The following PDE12 variants were observed in gnomAD, a reference collection of about 807,000 sequenced individuals.
PDE12 encodes phosphodiesterase 12, also known as 2',5'-phosphodiesterase 12.
In PDE12, 26 loss-of-function variants were observed where a neutral mutation model predicts 45.4. The observed-to-expected ratio is 0.57, with a 90% CI of 0.42 to 0.79. The LOEUF is 0.79. Ranked by LOEUF, PDE12 falls within the 30% of genes least tolerant of loss-of-function variation. The probability of loss-of-function intolerance (pLI) is 0.00; values close to 1 mark genes in which losing one functional copy is unlikely to be tolerated. For synonymous variants in PDE12, 283 were observed against 323.9 expected (o/e 0.87, Z 1.36); for missense variants, 668 against 790.0 (o/e 0.85, Z 1.85).
At chr3:57,615,350 C>T in the PDE12 span, among the ~76,000 whole-genome samples, 1 of 152,034 alleles carries the variant, frequency 6.6e-6, no homozygotes, top group African/African-American at 2.4e-5. Flanking sequence ...ATAATTTGTG[C>T]GATGACACTA....
At chr3:57,615,302 G>C in the PDE12 span, among the ~76,000 whole-genome samples, 2 of 152,024 alleles carry the variant, frequency 1.3e-5, no homozygotes, top group Admixed American at 1.3e-4. Context: ...AAATTATAAG[G>C]TATTTTGAAT....
chr3:57,570,095 G>C (rs2069822792), downstream of PDE12, among the ~76,000 whole-genome samples: 1 of 152,048 alleles, frequency 6.6e-6, no homozygotes, highest in Non-Finnish European at 1.5e-5. Flanking sequence ...TCTTTGGAAG[G>C]AAGAAAGGAG....
the PDE12 span, chr3:57,626,260 G>A: frequency 6.6e-6 from 1 of 152,534 alleles, no homozygotes; most frequent in Non-Finnish European, 1.5e-5. Flanking sequence ...GTCTTTCTTG[G>A]GTCAGGAATG....
At chr3:57,621,127 T>C in the PDE12 span, among the ~76,000 whole-genome samples, 4 of 152,142 alleles carry the variant, frequency 2.6e-5, no homozygotes, top group South Asian at 2.1e-4. Context: ...ATATACACCA[T>C]TGGCACAGAA....
the PDE12 span, among the ~76,000 whole-genome samples, chr3:57,591,607 C>A: frequency 6.6e-6 from 1 of 151,952 alleles, no homozygotes; most frequent in Non-Finnish European, 1.5e-5. Context: ...GCTGGGACTA[C>A]AGGTATCTGC....
chr3:57,589,359 T>C, the PDE12 span, among the ~76,000 whole-genome samples: 5 of 151,626 alleles, frequency 3.3e-5, no homozygotes, highest in African/African-American at 1.2e-4. Flanking sequence ...GCCCAGGGGA[T>C]CAAGGCTGCA....
chr3:57,588,870 A>C, the PDE12 span, among the ~76,000 whole-genome samples: 2 of 152,156 alleles, frequency 1.3e-5, no homozygotes, highest in Non-Finnish European at 2.9e-5. Flanking sequence ...TGGGAAGCCA[A>C]GGCAGGTGGA....
the PDE12 span, among the ~76,000 whole-genome samples, chr3:57,620,135 T>C: frequency 6.6e-6 from 1 of 152,016 alleles, no homozygotes; most frequent in Non-Finnish European, 1.5e-5. Flanking sequence ...GGCAGGAGAA[T>C]CACTTGAACC....
the PDE12 span, among the ~76,000 whole-genome samples, chr3:57,618,607 G>GTTTTTTTTTTTTTTTTTTTTTTTTTTTT: frequency 5.0e-5 from 4 of 79,390 alleles, 2 homozygotes; most frequent in Non-Finnish European, 4.7e-5. Flanking sequence ...TTGCTTTTGT[G>GTTTTTTTTTTTTTTTTTTTTTTTTTTTT]TTTTTTTTTT....
At position 57,557,561 on chromosome 3, in the gene PDE12, TAGCC is replaced by T; in HGVS notation, c.1186_1189del (p.Gln396MetfsTer22). 6.2e-7 allele frequency: 1 copy of T among 1,614,138 alleles called. No individual in the cohort carries two copies. The highest frequency in any genetic ancestry group is 1.1e-5 in the South Asian group (1 of 91,082). On this transcript the variant is annotated frameshift_variant, in exon 1 of 3. Transcript: ENST00000311180. LOFTEE classifies it high-confidence loss of function. ...ACCGAAAGTCTAAGTTCAGCCTTCT[TAGCC>T]AGCATGACATTTCATTCTACGAAGC...
rs146506134 is a variant in PDE12, at chr3:57,560,668, C to A, written c.*664C>A. On this transcript the variant is annotated 3_prime_UTR_variant, in exon 3 of 3. Coordinates refer to ENST00000311180, the MANE Select transcript of PDE12 (RefSeq NM_177966.7). ...AAGAGAATTTTTTTAGCTAGGAGTTCAGAATTTTTAAAGTACCATTTGAAT... is the reference window on the plus strand; with the variant it reads ...AAGAGAATTTTTTTAGCTAGGAGTTAAGAATTTTTAAAGTACCATTTGAAT... 620 of 985,288 alleles carry A rather than the reference C, an allele frequency of 6.3e-4. 1 individual carries two copies. The highest frequency in any genetic ancestry group is 4.1e-3 in the Admixed American group (66 of 16,266). 61.0% of individuals were successfully genotyped at this position (985,288 alleles called of 1,614,324 possible).
chr3:57,557,135 A>G lies in PDE12; in HGVS notation c.756A>G (p.Pro252=). 1 of 1,614,006 alleles carries G rather than the reference A, an allele frequency of 6.2e-7. No individual in the cohort carries two copies. Among genetic ancestry groups the G allele is most frequent in the African/African-American group, 1.3e-5 (1 of 74,998 alleles). Reference sequence around the variant, plus strand: ...TAAGGCTCAAGCTTCACTGCACCCCAGGCGATGGGCAGCGCTTTGGGCACA... The same window carrying G: ...TAAGGCTCAAGCTTCACTGCACCCCGGGCGATGGGCAGCGCTTTGGGCACA... ...IGLRLKLHCT[P]GDGQRFGHSR... is the part of the protein sequence containing the mutation. The change falls in exon 1 of 3, where the codon CCA becomes CCG. Residue 252 remains proline, a synonymous_variant. Transcript: ENST00000311180.
At chr3:57,590,097 A>C in the PDE12 span, among the ~76,000 whole-genome samples, 1 of 135,768 alleles carries the variant, frequency 7.4e-6, no homozygotes, top group Non-Finnish European at 1.6e-5. Context: ...CTCAATAAAT[A>C]AATAAATAAA....
the PDE12 span, among the ~76,000 whole-genome samples, chr3:57,608,898 T>C: frequency 1.3e-5 from 2 of 152,168 alleles, no homozygotes; most frequent in African/African-American, 2.4e-5. Context: ...CTAATAGACA[T>C]CTACAGAACT....
the PDE12 span, among the ~76,000 whole-genome samples, chr3:57,592,733 T>C: frequency 6.6e-6 from 1 of 152,208 alleles, no homozygotes; most frequent in Non-Finnish European, 1.5e-5. Flanking sequence ...AACAGGATTT[T>C]TGCCTTTTCT....
chr3:57,638,543 A>G, the PDE12 span, among the ~76,000 whole-genome samples: 1 of 151,982 alleles, frequency 6.6e-6, no homozygotes, highest in African/African-American at 2.4e-5. Flanking sequence ...CTGTAATCTC[A>G]GCGACTCGGG....
chr3:57,654,156 C>T, the PDE12 span, among the ~76,000 whole-genome samples: 39 of 151,306 alleles, frequency 2.6e-4, no homozygotes, highest in Middle Eastern at 3.4e-3. Flanking sequence ...GGGGTTTCAC[C>T]GTGTTAGCCA....
At chr3:57,617,998 T>G in the PDE12 span, among the ~76,000 whole-genome samples, 1 of 152,156 alleles carries the variant, frequency 6.6e-6, no homozygotes, top group South Asian at 2.1e-4. Context: ...TGGATGCAGC[T>G]GGAGGCCATT....
the PDE12 span, among the ~76,000 whole-genome samples, chr3:57,605,559 T>C: frequency 2.6e-5 from 4 of 152,110 alleles, no homozygotes; most frequent in African/African-American, 7.2e-5. Context: ...TAAAAAATTA[T>C]AAAAAACCTG....
Sources: gnomAD v4.1 joint callset for allele counts (sites outside exome capture counted in the v4.1 genomes callset) on GRCh38, gnomAD v4.1.1 for gene constraint, MANE v1.5 for transcripts, NCBI Gene and HGNC (gene_info 2026-07-23, HGNC 2026-07-21) for gene names.